IL6ST: variants seen among roughly 807,000 people sequenced by gnomAD.
IL6ST encodes the protein interleukin-6 receptor subunit beta.
Under a neutral mutation model 91.3 loss-of-function variants are expected in IL6ST, and 24 were observed. The ratio of observed to expected loss-of-function variants is 0.26; its 90% confidence interval spans 0.19 to 0.37. The LOEUF is 0.37. Ranked by LOEUF, IL6ST falls within the 10% of genes least tolerant of loss-of-function variation. IL6ST has a pLI of 1.00. For missense variants in IL6ST, 914 were observed against 1,078.5 expected (o/e 0.85, Z 2.14); for synonymous variants, 351 against 373.6 (o/e 0.94, Z 0.70).
chr5:55,968,851 C>A (rs958795946), intron 4 of IL6ST, among the ~76,000 whole-genome samples: 1 of 152,162 alleles, frequency 6.6e-6, no homozygotes, highest in Non-Finnish European at 1.5e-5. Flanking sequence ...GGGTGATCCA[C>A]AAATTAGATA....
Position 55,976,306 on chromosome 5 carries a change from C to T in IL6ST, c.-15-13G>A, listed in dbSNP as rs573191123. On this transcript the variant is annotated splice_polypyrimidine_tract_variant and intron_variant, in intron 2 of 16. Transcript: ENST00000381298. ...TGCGCGGATATTTCTGCAACAGACA[C>T]ATGTAATATTACTTTTAATATTTTT... 1 of 1,492,766 alleles carries T rather than the reference C, an allele frequency of 6.7e-7. No homozygotes were observed. The highest frequency in any genetic ancestry group is 9.1e-7 in the Non-Finnish European group (1 of 1,093,604). 92.5% of individuals were successfully genotyped at this position (1,492,766 alleles called of 1,614,324 possible). A position where few individuals can be genotyped will look rare whatever the true frequency, so the allele number is the denominator to read the frequency against.
At chr5:55,955,024 A>C in intron 10 of IL6ST, 32 bp from the exon 11 acceptor site, 1 of 1,358,320 alleles carries the variant, frequency 7.4e-7, no homozygotes, top group East Asian at 2.4e-5. Flanking sequence ...TTGAAATAAT[A>C]AATATTAACA....
chr5:55,990,517 T>A (rs950911726), intron 1 of IL6ST, among the ~76,000 whole-genome samples: 1 of 152,212 alleles, frequency 6.6e-6, no homozygotes, highest in Non-Finnish European at 1.5e-5. Context: ...GATAAAGTAC[T>A]GGGCATCGAC....
Position 55,951,600 on chromosome 5 carries a change from C to T in IL6ST, c.1704G>A (p.Val568=), listed in dbSNP as rs1319986897. The change falls in exon 14 of 17, where the codon GTG becomes GTA. Residue 568 remains valine (V), a synonymous_variant. Transcript: ENST00000381298. ...YRTIIGNETA[V]NVDSSHTEYT... ...ATTCTGTGTGGGAAGAATCCACATT[C>T]ACAGCTGGAAGAAATAAGAACTGTG... The T allele has an allele frequency of 6.2e-7, 1 of 1,608,900 alleles. No homozygotes were observed. Among genetic ancestry groups the T allele is most frequent in the Non-Finnish European group, 8.5e-7 (1 of 1,178,592 alleles).
At chr5:55,969,478 T>C in intron 4 of IL6ST, 72 bp downstream of exon 4, 1 of 1,008,606 alleles carries the variant, frequency 9.9e-7, no homozygotes, top group Non-Finnish European at 1.5e-6. Flanking sequence ...TTTATAAAGA[T>C]GAAAGGACAA....
chr5:55,946,815 CAA>C (rs34769064), intron 15 of IL6ST, among the ~76,000 whole-genome samples: 13 of 116,454 alleles, frequency 1.1e-4, no homozygotes, highest in African/African-American at 1.5e-4. Flanking sequence ...GACTCCATCT[CAA>C]AAAAAAAAAA....
In IL6ST at chr5:55,991,091, A is replaced by G. The variant is rs547015675; in HGVS notation, c.-104+3693T>C. On this transcript the variant is annotated intron_variant, in intron 1 of 16. Transcript: ENST00000381298. ...AACTCATCCTTTTTTACGGCTGCAT[A>G]GTATTCCATGGTGTATATGTGCCAC... Among the ~76,000 whole-genome samples, 11 of 152,338 alleles carry G rather than the reference A, an allele frequency of 7.2e-5. No homozygotes were observed. The South Asian group carries it at 2.1e-3, about 29-fold the overall frequency.
chr5:55,959,597 T>A, intron 8 of IL6ST: 1 of 1,181,590 alleles, frequency 8.5e-7, no homozygotes, highest in Admixed American at 2.3e-5. Flanking sequence ...ATATTATCTA[T>A]AGGAGAAAAA....
chr5:55,953,752 T>C (rs1751787018), intron 11 of IL6ST, among the ~76,000 whole-genome samples: 1 of 152,020 alleles, frequency 6.6e-6, no homozygotes, highest in Non-Finnish European at 1.5e-5. Flanking sequence ...ACTTTGGGAG[T>C]TTGAGGTAAA....
chr5:55,944,445 A>G (rs1245751583), intron 15 of IL6ST, among the ~76,000 whole-genome samples: 2 of 152,240 alleles, frequency 1.3e-5, no homozygotes, highest in Non-Finnish European at 2.9e-5. Flanking sequence ...TAAACATTTC[A>G]TTTATAATAA....
intron 11 of IL6ST, 21 bp downstream of exon 11, chr5:55,954,789 G>C (rs2111700983): frequency 6.4e-7 from 1 of 1,554,972 alleles, no homozygotes. Context: ...TATCAATTTA[G>C]ATGTTTCTAG....
chr5:55,965,026 TGAC>T (rs1389604445), intron 5 of IL6ST, among the ~76,000 whole-genome samples: 1 of 152,178 alleles, frequency 6.6e-6, no homozygotes, highest in African/African-American at 2.4e-5. Context: ...TTAATAGATT[TGAC>T]TTTTTGGATT....
At chr5:55,994,471 G>T (rs1415181828) in intron 1 of IL6ST, among the ~76,000 whole-genome samples, 1 of 152,158 alleles carries the variant, frequency 6.6e-6, no homozygotes, top group East Asian at 1.9e-4. Context: ...AAAAACGTGG[G>T]ATCTGGTAAC....
At chr5:55,960,015 A>G (rs1413469781) in intron 8 of IL6ST, among the ~76,000 whole-genome samples, 1 of 151,624 alleles carries the variant, frequency 6.6e-6, no homozygotes, top group African/African-American at 2.4e-5. Flanking sequence ...CCTCCCGAGT[A>G]GCTGGGACTA....
intron 8 of IL6ST, among the ~76,000 whole-genome samples, chr5:55,959,973 C>T (rs193270655): frequency 5.7e-4 from 87 of 152,042 alleles, no homozygotes; most frequent in Non-Finnish European, 9.6e-4. Flanking sequence ...GCAACCTCCA[C>T]CTCCTGGGTT....
chr5:55,975,763 T>C (rs975881902), intron 3 of IL6ST, among the ~76,000 whole-genome samples: 4 of 152,134 alleles, frequency 2.6e-5, no homozygotes, highest in African/African-American at 7.2e-5. Context: ...ATAGAATGAT[T>C]AGATATCTGG....
intron 1 of IL6ST, among the ~76,000 whole-genome samples, chr5:55,987,647 A>G (rs1187927855): frequency 6.6e-6 from 1 of 152,172 alleles, no homozygotes; most frequent in Non-Finnish European, 1.5e-5. Flanking sequence ...AATAGCCTTC[A>G]CTTTTACTTC....
At chr5:55,945,635 T>TA (rs1281098689) in intron 15 of IL6ST, among the ~76,000 whole-genome samples, 3 of 58,064 alleles carry the variant, frequency 5.2e-5, no homozygotes, top group East Asian at 1.2e-3. Context: ...TTCATCAAAA[T>TA]AAAAAACTTA....
rs1219553395 is a variant in IL6ST at position 55,939,547 on chromosome 5, T to G, written c.*1535A>C. The G allele has an allele frequency of 9.7e-6, 2 of 205,924 alleles. No homozygotes were observed. The highest frequency in any genetic ancestry group is 3.8e-4 in the South Asian group (2 of 5,308). 12.8% of individuals were successfully genotyped at this position (205,924 alleles called of 1,614,324 possible). ...CTATTCTCCAATAACCTCTAGAAAC[T>G]ATTCTAAGCATGCCTGGTTTCTGTA... is the stretch of plus-strand genomic sequence containing the variant. On this transcript the variant is annotated 3_prime_UTR_variant, in exon 17 of 17. Coordinates refer to ENST00000381298, the MANE Select transcript of IL6ST (RefSeq NM_002184.4).
Sources: gnomAD v4.1 joint callset for allele counts (sites outside exome capture counted in the v4.1 genomes callset) on GRCh38, gnomAD v4.1.1 for gene constraint, MANE v1.5 for transcripts, NCBI Gene and HGNC (gene_info 2026-07-23, HGNC 2026-07-21) for gene names.